The following IQGAP2 variants were observed in gnomAD, a reference collection of about 807,000 sequenced individuals.
IQGAP2 encodes the protein IQ motif containing GTPase activating protein 2.
A neutral mutation model predicts 201.3 loss-of-function variants in IQGAP2; 173 were observed. The ratio of observed to expected loss-of-function variants is 0.86; its 90% confidence interval spans 0.76 to 0.98. The LOEUF (loss-of-function observed/expected upper bound fraction) is 0.98. IQGAP2 is among the 50% of genes least tolerant of loss of function. The pLI, the probability that IQGAP2 is intolerant of heterozygous loss-of-function variation, is 0.00. For synonymous variants in IQGAP2, 675 were observed against 673.9 expected, an observed-to-expected ratio of 1.00 and a Z score of -0.03; for missense variants, 1,687 against 1,864.8, an observed-to-expected ratio of 0.90 and a Z score of 1.76.
chr5:76,523,287 C>G, intron 2 of IQGAP2, among the ~76,000 whole-genome samples: 1 of 151,878 alleles, frequency 6.6e-6, no homozygotes, highest in Non-Finnish European at 1.5e-5. Flanking sequence ...GGGAGAGTCT[C>G]TCTATGCTGC....
chr5:76,469,544 A>G (rs2150133627), intron 2 of IQGAP2, among the ~76,000 whole-genome samples: 1 of 152,152 alleles, frequency 6.6e-6, no homozygotes, highest in South Asian at 2.1e-4. Context: ...AGCTAGGATT[A>G]CAGAAGTATG....
intron 21 of IQGAP2, among the ~76,000 whole-genome samples, chr5:76,662,738 C>T (rs1482405930): frequency 6.6e-6 from 1 of 152,198 alleles, no homozygotes; most frequent in Non-Finnish European, 1.5e-5. Context: ...TGCCTAGATT[C>T]CCCCTTGACC....
intron 2 of IQGAP2, among the ~76,000 whole-genome samples, chr5:76,491,204 T>C (rs1442275643): frequency 6.6e-6 from 1 of 152,180 alleles, no homozygotes; most frequent in Non-Finnish European, 1.5e-5. Flanking sequence ...ATTCATGTTC[T>C]TGTTGATGCT....
At chr5:76,695,086 T>C (rs1334698852) in intron 31 of IQGAP2, among the ~76,000 whole-genome samples, 2 of 152,338 alleles carry the variant, frequency 1.3e-5, no homozygotes, top group Non-Finnish European at 2.9e-5. Flanking sequence ...AGGGTTCTCA[T>C]AGCCACATTT....
intron 2 of IQGAP2, among the ~76,000 whole-genome samples, chr5:76,478,135 C>G (rs1209310356): frequency 1.3e-5 from 2 of 152,008 alleles, no homozygotes; most frequent in Admixed American, 1.3e-4. Context: ...TGTGGTGGCT[C>G]ACGCCTGTAA....
intron 2 of IQGAP2, among the ~76,000 whole-genome samples, chr5:76,498,411 G>A (rs1757102288): frequency 6.6e-6 from 1 of 152,178 alleles, no homozygotes; most frequent in African/African-American, 2.4e-5. Context: ...AACTTGACTT[G>A]CCTGAGGTCA....
chr5:76,673,482 T>C lies in IQGAP2; in HGVS notation c.3102T>C (p.Ala1034=). The C allele has an allele frequency of 6.2e-7, 1 of 1,614,088 alleles. No individual in the cohort carries two copies. The highest frequency in any genetic ancestry group is 8.5e-7 in the Non-Finnish European group (1 of 1,179,968). Reference sequence around the variant, plus strand: ...CTTATGATGTGACCACAGAACAAGCTCTAACATACCCAGAAGTGAAAAATA... The same window carrying C: ...CTTATGATGTGACCACAGAACAAGCCCTAACATACCCAGAAGTGAAAAATA... ...KLPYDVTTEQ[A]LTYPEVKNKL... Residue 1034 remains alanine (A), a synonymous_variant, in exon 25 of 36, where the codon GCT becomes GCC. Transcript: ENST00000274364.
intron 2 of IQGAP2, among the ~76,000 whole-genome samples, chr5:76,489,359 C>CT (rs951471297): frequency 6.6e-5 from 10 of 152,264 alleles, no homozygotes; most frequent in Admixed American, 2.6e-4. Context: ...CAAGAAGTAA[C>CT]TTTTTTTAGG....
chr5:76,460,178 T>A (rs936689180), intron 1 of IQGAP2, among the ~76,000 whole-genome samples: 1 of 152,056 alleles, frequency 6.6e-6, no homozygotes, highest in Non-Finnish European at 1.5e-5. Flanking sequence ...GTAATAAAAA[T>A]GTGAACTAAA....
chr5:76,575,199 G>A (rs4704338), intron 4 of IQGAP2, among the ~76,000 whole-genome samples: 74,131 of 152,006 alleles, frequency 0.49, 18,562 homozygotes, highest in South Asian at 0.63. Flanking sequence ...TGGTGAAAAT[G>A]TCTTACTTTA....
At chr5:76,594,056 T>A (rs1282186946) in intron 9 of IQGAP2, among the ~76,000 whole-genome samples, 1 of 152,244 alleles carries the variant, frequency 6.6e-6, no homozygotes, top group East Asian at 1.9e-4. Context: ...CAATTGCCTT[T>A]ATTTTTTTAA....
chr5:76,683,730 C>G, intron 29 of IQGAP2, 46 bp from the exon 30 acceptor site: 1 of 1,564,560 alleles, frequency 6.4e-7, no homozygotes, highest in Non-Finnish European at 8.7e-7. Flanking sequence ...GTGCCATCAT[C>G]ACAAAGAGTG....
chr5:76,678,221 A>G (rs1287524702), intron 28 of IQGAP2, among the ~76,000 whole-genome samples: 2 of 152,156 alleles, frequency 1.3e-5, no homozygotes, highest in Admixed American at 6.5e-5. Flanking sequence ...AATCACTTCC[A>G]TTGTTCTGGA....
At chr5:76,581,428 T>C (rs1207246906) in intron 5 of IQGAP2, among the ~76,000 whole-genome samples, 2 of 152,240 alleles carry the variant, frequency 1.3e-5, no homozygotes, top group African/African-American at 2.4e-5. Context: ...GAGATGGCAG[T>C]ATTTGGAAGT....
At chr5:76,659,282 T>C (rs1743038409) in intron 21 of IQGAP2, among the ~76,000 whole-genome samples, 1 of 152,218 alleles carries the variant, frequency 6.6e-6, no homozygotes, top group South Asian at 2.1e-4. Flanking sequence ...GGCCTTTATA[T>C]GAATACAAAA....
At chr5:76,505,787 T>G (rs1466896644) in intron 2 of IQGAP2, among the ~76,000 whole-genome samples, 3 of 152,198 alleles carry the variant, frequency 2.0e-5, no homozygotes, top group East Asian at 1.9e-4. Context: ...TAGACCATAT[T>G]TATTCATTCA....
intron 25 of IQGAP2, 55 bp downstream of exon 25, chr5:76,673,644 C>T (rs1390674733): frequency 1.7e-5 from 26 of 1,574,896 alleles, no homozygotes; most frequent in Admixed American, 3.4e-5. Flanking sequence ...TCTTGGAATA[C>T]GATGTAAAAT....
chr5:76,454,858 GA>G (rs1292934721), intron 1 of IQGAP2, among the ~76,000 whole-genome samples: 9 of 152,222 alleles, frequency 5.9e-5, no homozygotes, highest in African/African-American at 1.9e-4. Flanking sequence ...GATCCCTGAG[GA>G]ATCACCACAC....
At chr5:76,622,244 A>G (rs1749769737) in intron 13 of IQGAP2, among the ~76,000 whole-genome samples, 1 of 152,118 alleles carries the variant, frequency 6.6e-6, no homozygotes, top group Non-Finnish European at 1.5e-5. Flanking sequence ...TTCTTTTGCA[A>G]TTCTGCTTCT....
Sources: gnomAD v4.1 joint callset for allele counts (sites outside exome capture counted in the v4.1 genomes callset) on GRCh38, gnomAD v4.1.1 for gene constraint, MANE v1.5 for transcripts, NCBI Gene and HGNC (gene_info 2026-07-23, HGNC 2026-07-21) for gene names.